The following GAL3ST1 variants were observed in gnomAD, a reference collection of about 807,000 sequenced individuals.
GAL3ST1 encodes the protein galactosylceramide sulfotransferase.
In GAL3ST1, 13 loss-of-function variants were observed where a neutral mutation model predicts 25.0. The ratio of observed to expected loss-of-function variants is 0.52; its 90% CI spans 0.34 to 0.83. The LOEUF (loss-of-function observed/expected upper bound fraction) is 0.83, where lower values mean the gene tolerates loss of function less well. GAL3ST1 is among the 40% of genes least tolerant of loss of function. The pLI is 0.02. For synonymous variants in GAL3ST1, 274 were observed against 277.8 expected (o/e 0.99, Z 0.14); for missense variants, 474 against 613.6 (o/e 0.77, Z 2.40).
At chr22:30,556,244 C>T (rs1367182921) in intron 3 of GAL3ST1, 151 bp from the exon 4 acceptor site, 1 of 650,406 alleles carries the variant, frequency 1.5e-6, no homozygotes, top group South Asian at 2.0e-5. Context: ...TGGGTGCCTG[C>T]GCGGGTGGTT....
At position 30,555,092 on chromosome 22, in the gene GAL3ST1, A is replaced by C; in HGVS notation, c.1133T>G (p.Leu378Arg). The C allele has an allele frequency of 6.2e-7, 1 of 1,612,538 alleles. No homozygotes were observed. Among genetic ancestry groups the C allele is most frequent in the Non-Finnish European group, 8.5e-7 (1 of 1,179,746 alleles). ...GTGCCGCTGCCCGATGCTCTTCTTG[A>C]GGTTGTAGCCCAGGATGGACTTGGT... ...LGTKSILGYN[L>R]KKSIGQRHAQ... Residue 378 changes from leucine (L) to arginine (R), a missense_variant, in exon 4 of 4, where the codon CTC (leucine) becomes CGC (arginine). Physicochemically the swap from Leu to Arg is moderately radical, Grantham distance 102. This residue lies in a region of GAL3ST1 where 359 missense variants were observed against 504.4 expected (regional missense o/e 0.71). Transcript: ENST00000406361. This position sits in a 1 kb window ranked among gnomAD's most constrained non-coding sequence, Gnocchi z 8.6.
chr22:30,561,251 G>T (rs866219963), intron 1 of GAL3ST1, among the ~76,000 whole-genome samples: 3 of 152,190 alleles, frequency 2.0e-5, no homozygotes, highest in Non-Finnish European at 4.4e-5. Context: ...GCCCCCATTT[G>T]CTATTTCTCA....
rs554323584 is a variant in GAL3ST1, at chr22:30,567,304, G to A, written c.-120+7162C>T. Among the ~76,000 whole-genome samples the A allele has an allele frequency of 3.9e-5, 6 of 152,026 alleles. No homozygotes were observed. In the South Asian group the frequency reaches 1.2e-3, roughly 32 times the overall value. ...TTTTGTTTTTTTGACACAAGGTCTT[G>A]CTCTGTCACCCAGGCTGGAGTACAG... On this transcript the variant is annotated intron_variant, in intron 1 of 3. Transcript: ENST00000406361.
At chr22:30,566,641 G>A (rs1025692403) in intron 1 of GAL3ST1, among the ~76,000 whole-genome samples, 4 of 151,346 alleles carry the variant, frequency 2.6e-5, no homozygotes, top group African/African-American at 7.3e-5. Flanking sequence ...ACAGAGTCTC[G>A]CTCTGTCGCC....
At chr22:30,559,532 C>T (rs570531271) in intron 1 of GAL3ST1, among the ~76,000 whole-genome samples, 1 of 152,104 alleles carries the variant, frequency 6.6e-6, no homozygotes, top group African/African-American at 2.4e-5. Context: ...AGCCACCGCG[C>T]CTGGCCCATT....
At chr22:30,565,547 A>C (rs776787144) in intron 1 of GAL3ST1, among the ~76,000 whole-genome samples, 5 of 152,236 alleles carry the variant, frequency 3.3e-5, no homozygotes, top group Non-Finnish European at 7.3e-5. Flanking sequence ...GCATCTGACC[A>C]GGGCTCAGAA....
At chr22:30,559,459 T>C in intron 1 of GAL3ST1, among the ~76,000 whole-genome samples, 1 of 152,204 alleles carries the variant, frequency 6.6e-6, no homozygotes, top group East Asian at 1.9e-4. Flanking sequence ...CAGGATCATC[T>C]TGATCTCCTG....
chr22:30,563,899 G>C (rs2086533108), intron 1 of GAL3ST1, among the ~76,000 whole-genome samples: 1 of 142,354 alleles, frequency 7.0e-6, no homozygotes, highest in Non-Finnish European at 1.5e-5. Flanking sequence ...CTGGGCGACA[G>C]AGCGAGACCC....
intron 1 of GAL3ST1, among the ~76,000 whole-genome samples, chr22:30,562,608 C>T (rs939330779): frequency 7.2e-5 from 11 of 152,222 alleles, no homozygotes; most frequent in African/African-American, 2.2e-4. Flanking sequence ...TGCAGGCAAG[C>T]CTACCAGTGA....
At chr22:30,565,930 G>A (rs182962858) in intron 1 of GAL3ST1, among the ~76,000 whole-genome samples, 1 of 152,122 alleles carries the variant, frequency 6.6e-6, no homozygotes, top group South Asian at 2.1e-4. Flanking sequence ...AGGGACCCAG[G>A]TGCCACCATC....
rs1167269797 is a variant in GAL3ST1 at position 30,555,164 on chromosome 22, G to A, written c.1061C>T (p.Ala354Val). 2.5e-6 allele frequency: 4 copies of A among 1,603,888 alleles called. No individual in the cohort carries two copies. The Admixed American group carries it at 5.0e-5, about 20-fold the overall frequency. The change falls in exon 4 of 4, where the codon GCC becomes GTC. Residue 354 changes from alanine to valine, a missense_variant. By Grantham distance (64) the Ala-to-Val change is moderately conservative. Transcript: ENST00000406361. This position sits in a 1 kb window ranked among gnomAD's most constrained non-coding sequence, Gnocchi z 8.6. The part of the protein sequence containing the change: ...ICIDGGHAVD[A>V]AAIQDEAMQP... ...CATGGCCTCGTCCTGGATGGCGGCG[G>A]CGTCCACGGCGTGGCCCCCGTCGAT...
At chr22:30,566,089 C>G (rs911257523) in intron 1 of GAL3ST1, 1 of 152,312 alleles carries the variant, frequency 6.6e-6, no homozygotes, top group African/African-American at 2.4e-5. Context: ...AGTCTGGGAG[C>G]AGCCCCCAAG....
chr22:30,563,180 C>G (rs968012345), intron 1 of GAL3ST1: 2 of 152,030 alleles, frequency 1.3e-5, no homozygotes, highest in Non-Finnish European at 1.5e-5. Context: ...GTCCCTAAAT[C>G]CAAAACTTTT....
intron 1 of GAL3ST1, among the ~76,000 whole-genome samples, chr22:30,561,182 G>A (rs2086389207): frequency 6.6e-6 from 1 of 152,202 alleles, no homozygotes; most frequent in Non-Finnish European, 1.5e-5. Flanking sequence ...GACTTCAAGC[G>A]ATCCACCCGC....
At chr22:30,572,354 T>C (rs546595733) in intron 1 of GAL3ST1, among the ~76,000 whole-genome samples, 1 of 152,340 alleles carries the variant, frequency 6.6e-6, no homozygotes, top group South Asian at 2.1e-4. Flanking sequence ...TCTCCATTCC[T>C]GGAAACTCGC....
Position 30,555,966 on chromosome 22 carries a change from C to A in GAL3ST1, c.259G>T (p.Ala87Ser). Residue 87 changes from alanine (A) to serine (S), a missense_variant, in exon 4 of 4, where the codon GCC becomes TCC. This residue lies in a region of GAL3ST1 where 359 missense variants were observed against 504.4 expected (regional missense o/e 0.71). Coordinates refer to ENST00000406361, the MANE Select transcript of GAL3ST1 (RefSeq NM_001318104.2). The surrounding 1 kb of genome is among the most constrained non-coding windows in gnomAD (Gnocchi z 8.6). ...AGGATGTTGAGCAGGGTGCTGCTGG[C>A]CGTCTTGTGCGTCTTCAAGAACACG... The part of the protein sequence containing the change: ...NIVFLKTHKT[A>S]SSTLLNILFR... The A allele has an allele frequency of 1.2e-6, 2 of 1,613,906 alleles. No homozygotes were observed. The highest frequency in any genetic ancestry group is 2.2e-5 in the East Asian group (1 of 44,876).
intron 3 of GAL3ST1, 34 bp from the exon 4 acceptor site, chr22:30,556,127 G>A (rs776277044): frequency 6.5e-7 from 1 of 1,532,368 alleles, no homozygotes; most frequent in Non-Finnish European, 8.9e-7. Context: ...AGAGCCTCAG[G>A]GGGGTGCTGG....
chr22:30,558,761 C>CT (rs1462698982), intron 1 of GAL3ST1, among the ~76,000 whole-genome samples: 1 of 152,242 alleles, frequency 6.6e-6, no homozygotes, highest in Non-Finnish European at 1.5e-5. Flanking sequence ...CAAAGCCAGC[C>CT]TGTAGGGTTG....
rs2085955227 is a variant in GAL3ST1 at position 30,555,538 on chromosome 22, G to A, written c.687C>T (p.Asp229=). ...FFDLGYDNSL[D]PSSPQVQEHI... is the part of the protein sequence containing the mutation. ...GCTCCTGCACCTGCGGGCTGCTGGG[G>A]TCCAGGCTGTTGTCATAGCCCAGGT... is the stretch of plus-strand genomic sequence containing the variant. Residue 229 remains aspartate, a synonymous_variant, in exon 4 of 4, where the codon GAC becomes GAT. Coordinates refer to ENST00000406361, the MANE Select transcript of GAL3ST1 (RefSeq NM_001318104.2). The surrounding 1 kb of genome is among the most constrained non-coding windows in gnomAD (Gnocchi z 8.6). The A allele has an allele frequency of 1.2e-6, 2 of 1,613,586 alleles. No homozygotes were observed. The highest frequency in any genetic ancestry group is 1.7e-6 in the Non-Finnish European group (2 of 1,180,024).
Sources: gnomAD v4.1 joint callset for allele counts (sites outside exome capture counted in the v4.1 genomes callset) on GRCh38, gnomAD v4.1.1 for gene constraint, gnomAD v4.1.1 regional missense constraint, Gnocchi (gnomAD v3.1) non-coding constraint, MANE v1.5 for transcripts, NCBI Gene and HGNC (gene_info 2026-07-23, HGNC 2026-07-21) for gene names.